GRHL2: variants seen among roughly 807,000 people sequenced by gnomAD.
GRHL2 encodes grainyhead-like protein 2 homolog.
Under a neutral mutation model 83.8 loss-of-function variants are expected in GRHL2, and 21 were observed. The observed-to-expected ratio is 0.25, with a 90% confidence interval of 0.18 to 0.36. The LOEUF (loss-of-function observed/expected upper bound fraction) is 0.36, where lower values mean the gene tolerates loss of function less well. GRHL2 is among the 10% of genes least tolerant of loss of function. The pLI, the probability that GRHL2 is intolerant of heterozygous loss-of-function variation, is 1.00. For synonymous variants in GRHL2, 280 were observed against 278.9 expected, an observed-to-expected ratio of 1.00 and a Z score of -0.04; for missense variants, 623 against 781.8, an observed-to-expected ratio of 0.80 and a Z score of 2.42.
intron 9 of GRHL2, among the ~76,000 whole-genome samples, chr8:101,625,451 C>T (rs1813062686): frequency 6.6e-6 from 1 of 152,022 alleles, no homozygotes; most frequent in Non-Finnish European, 1.5e-5. Flanking sequence ...ACTAAGAGGG[C>T]AGAGACAATT....
intron 14 of GRHL2, among the ~76,000 whole-genome samples, chr8:101,652,971 G>A (rs966001908): frequency 3.3e-5 from 5 of 152,084 alleles, no homozygotes; most frequent in African/African-American, 9.7e-5. Context: ...ATTTTTGCTC[G>A]ATTCCATTAT....
chr8:101,619,733 T>G (rs1376715752), intron 9 of GRHL2, 36 bp downstream of exon 9: 1 of 1,508,590 alleles, frequency 6.6e-7, no homozygotes, highest in Non-Finnish European at 9.2e-7. Flanking sequence ...AAAGGTATCT[T>G]TTTTATTAGA....
intron 1 of GRHL2, among the ~76,000 whole-genome samples, chr8:101,494,926 A>T (rs1810064026): frequency 2.0e-5 from 3 of 152,224 alleles, no homozygotes; most frequent in Non-Finnish European, 4.4e-5. Context: ...TCCTGGGAAA[A>T]GTAATCGTTA....
intron 8 of GRHL2, 85 bp downstream of exon 8, chr8:101,599,236 A>C: frequency 1.1e-6 from 1 of 886,474 alleles, no homozygotes; most frequent in South Asian, 1.4e-5. Flanking sequence ...CTGTATCAGT[A>C]GCCTCCTATT....
chr8:101,681,186 T>C, the GRHL2 span, among the ~76,000 whole-genome samples: 1 of 136,496 alleles, frequency 7.3e-6, no homozygotes, highest in Non-Finnish European at 1.6e-5. Flanking sequence ...CTAGCAAGAC[T>C]AATAAAGAAG....
intron 8 of GRHL2, 75 bp from the exon 9 acceptor site, chr8:101,619,464 A>C: frequency 7.4e-7 from 1 of 1,359,400 alleles, no homozygotes; most frequent in Non-Finnish European, 1.0e-6. Context: ...TTTTGACTTA[A>C]AGTCTAAAGT....
At chr8:101,514,405 A>G (rs531809368) in intron 1 of GRHL2, among the ~76,000 whole-genome samples, 33 of 152,340 alleles carry the variant, frequency 2.2e-4, no homozygotes, top group Admixed American at 1.8e-3. Context: ...CTGTGAGGGA[A>G]TGGAGTAGGG....
At chr8:101,516,410 C>CTTTTTTTTTTTTTTTTTTTTT (rs33990862) in intron 1 of GRHL2, among the ~76,000 whole-genome samples, 1 of 86,012 alleles carries the variant, frequency 1.2e-5, no homozygotes. Flanking sequence ...ACCTCTTTTC[C>CTTTTTTTTTTTTTTTTTTTTT]TTTTTTTTTT....
intron 14 of GRHL2, among the ~76,000 whole-genome samples, chr8:101,663,609 C>T (rs1813971537): frequency 7.4e-6 from 1 of 135,408 alleles, no homozygotes; most frequent in South Asian, 2.3e-4. Context: ...AAGATTCCAT[C>T]TCAAAAAATA....
At position 101,492,614 on chromosome 8, in the gene GRHL2, A is replaced by G. The variant is rs1266748925; in HGVS notation, c.-156A>G. 4 of 748,860 alleles carry G rather than the reference A, an allele frequency of 5.3e-6. No individual in the cohort carries two copies. Among genetic ancestry groups the G allele is most frequent in the African/African-American group, 5.1e-5 (3 of 58,262 alleles). The allele number at this position is 748,860 out of a possible 1,614,324, so 46.4% of individuals were successfully genotyped here. ...GAGGGCGCGAGCGGGCGAGCGAGCG[A>G]GAGTGGTGAGGGGGGACGGAAAAGC... On this transcript the variant is annotated 5_prime_UTR_variant, in exon 1 of 16. Transcript: ENST00000646743.
At chr8:101,599,991 G>T (rs562987158) in intron 8 of GRHL2, among the ~76,000 whole-genome samples, 1 of 152,294 alleles carries the variant, frequency 6.6e-6, no homozygotes, top group East Asian at 1.9e-4. Flanking sequence ...ATCTAGGAGG[G>T]TGTTAGAAGA....
At chr8:101,673,738 A>G (rs182519973), downstream of GRHL2, among the ~76,000 whole-genome samples, 36 of 152,160 alleles carry the variant, frequency 2.4e-4, no homozygotes, top group Non-Finnish European at 4.9e-4. Context: ...CTCCACCCCA[A>G]ATCAACAGAA....
At chr8:101,598,870 G>A (rs977686901) in intron 7 of GRHL2, among the ~76,000 whole-genome samples, 187 bp from the exon 8 acceptor site, 5 of 152,114 alleles carry the variant, frequency 3.3e-5, no homozygotes, top group Non-Finnish European at 4.4e-5. Flanking sequence ...AGAGGAACAC[G>A]CTTACATTCT....
At chr8:101,535,234 A>G (rs1811020602) in intron 1 of GRHL2, among the ~76,000 whole-genome samples, 1 of 152,158 alleles carries the variant, frequency 6.6e-6, no homozygotes, top group South Asian at 2.1e-4. Flanking sequence ...CACACTTTAG[A>G]TGTAAGAGCC....
chr8:101,675,420 C>G, the GRHL2 span, among the ~76,000 whole-genome samples: 2 of 151,992 alleles, frequency 1.3e-5, no homozygotes, highest in African/African-American at 4.8e-5. Flanking sequence ...CAATAACAGA[C>G]AAACACAGAG....
chr8:101,551,131 C>A (rs1811372004), intron 2 of GRHL2, among the ~76,000 whole-genome samples: 1 of 152,144 alleles, frequency 6.6e-6, no homozygotes, highest in Non-Finnish European at 1.5e-5. Context: ...TGAGAACTAT[C>A]ATTTATCTCA....
At chr8:101,546,995 T>G (rs532079818) in intron 2 of GRHL2, among the ~76,000 whole-genome samples, 29 of 152,370 alleles carry the variant, frequency 1.9e-4, no homozygotes, top group Admixed American at 1.7e-3. Flanking sequence ...GTTACATAGC[T>G]TCTTTTATTT....
the GRHL2 span, among the ~76,000 whole-genome samples, chr8:101,677,945 A>ATT: frequency 1.3e-5 from 2 of 152,122 alleles, no homozygotes; most frequent in African/African-American, 2.4e-5. Flanking sequence ...TCTTAGGTGG[A>ATT]TTTGACTGAT....
At chr8:101,493,426 TCC>T (rs1563548081) in intron 1 of GRHL2, among the ~76,000 whole-genome samples, 1 of 142,374 alleles carries the variant, frequency 7.0e-6, no homozygotes. Context: ...CCCGCCTTCC[TCC>T]CCCCTCCCCC....
Sources: gnomAD v4.1 joint callset for allele counts (sites outside exome capture counted in the v4.1 genomes callset) on GRCh38, gnomAD v4.1.1 for gene constraint, MANE v1.5 for transcripts, NCBI Gene and HGNC (gene_info 2026-07-23, HGNC 2026-07-21) for gene names.